Variants in ADCY2 observed in about 807,000 individuals in gnomAD.
The protein encoded by ADCY2 is adenylate cyclase type 2.
In ADCY2, 31 loss-of-function variants were observed where a neutral mutation model predicts 125.2. That is an observed-to-expected ratio of 0.25 (90% confidence interval 0.19 to 0.33). The LOEUF is 0.33. Among genes scored for constraint, ADCY2 ranks in the 10% least tolerant of loss-of-function variants. The probability of loss-of-function intolerance (pLI) is 1.00; values close to 1 mark genes in which losing one functional copy is unlikely to be tolerated. For missense variants in ADCY2, 904 were observed against 1,418.2 expected (o/e 0.64, Z 5.82); for synonymous variants, 512 against 548.4 (o/e 0.93, Z 0.93).
intron 3 of ADCY2, among the ~76,000 whole-genome samples, chr5:7,528,820 T>C (rs1190848808): frequency 1.3e-5 from 2 of 152,204 alleles, no homozygotes; most frequent in Non-Finnish European, 2.9e-5. Context: ...CTCTGCTCAT[T>C]CCAAATGTTT....
chr5:7,718,702 CA>C (rs1741670226), intron 12 of ADCY2, among the ~76,000 whole-genome samples: 1 of 152,088 alleles, frequency 6.6e-6, no homozygotes, highest in South Asian at 2.1e-4. Flanking sequence ...ACAGAGTGTC[CA>C]AGGCCCACTG....
At chr5:7,402,726 T>G (rs1196973132) in intron 1 of ADCY2, among the ~76,000 whole-genome samples, 1 of 152,198 alleles carries the variant, frequency 6.6e-6, no homozygotes, top group African/African-American at 2.4e-5. Context: ...GAAAGTTCAA[T>G]TATAGGGCAA....
intron 4 of ADCY2, among the ~76,000 whole-genome samples, chr5:7,644,751 A>G (rs1006331637): frequency 3.9e-5 from 6 of 152,018 alleles, no homozygotes; most frequent in African/African-American, 1.4e-4. Flanking sequence ...CCCCCATACA[A>G]TTAATTGCTC....
chr5:7,523,681 C>T (rs1471600900), intron 3 of ADCY2, among the ~76,000 whole-genome samples: 1 of 152,084 alleles, frequency 6.6e-6, no homozygotes, highest in East Asian at 1.9e-4. Flanking sequence ...CTAAAAATAC[C>T]ACTGGTTTGA....
At chr5:7,676,802 G>A (rs1431864027) in intron 4 of ADCY2, among the ~76,000 whole-genome samples, 1 of 152,170 alleles carries the variant, frequency 6.6e-6, no homozygotes. Context: ...TTGGCCATAC[G>A]TTTGGACAAG....
rs186822434 is a variant in ADCY2 at position 7,637,650 on chromosome 5, C to T, written c.720+11334C>T. On this transcript the variant is annotated intron_variant, in intron 4 of 24. Transcript: ENST00000338316. Reference sequence around the variant, plus strand: ...GAAAGCATGAAAAGGAATAAAATGTCAACAAGATTTTAGGTAAAATGAAAA... The same window carrying T: ...GAAAGCATGAAAAGGAATAAAATGTTAACAAGATTTTAGGTAAAATGAAAA... Among the ~76,000 whole-genome samples the T allele has an allele frequency of 2.9e-3, 446 of 152,040 alleles. 4 individuals carry two copies. Among genetic ancestry groups the T allele is most frequent in the African/African-American group, 9.8e-3 (405 of 41,472 alleles).
rs1485929944 is a variant in ADCY2, at chr5:7,757,563, T to C, written c.2071T>C (p.Leu691=). The change falls in exon 16 of 25, where the codon TTA becomes CTA. Residue 691 remains leucine (L), a synonymous_variant. Coordinates refer to ENST00000338316, the MANE Select transcript of ADCY2 (RefSeq NM_020546.3). ...SLTIITTAII[L]MMAVFNMFFL... is the part of the protein sequence containing the mutation. ...CACGATCATCACCACAGCCATCATA[T>C]TAATGATGGCCGTGTTCAACATGGT... The C allele has an allele frequency of 6.6e-7, 1 of 1,503,974 alleles. No individual in the cohort carries two copies. The highest frequency in any genetic ancestry group is 8.9e-7 in the Non-Finnish European group (1 of 1,128,666). 93.2% of individuals were successfully genotyped at this position (1,503,974 alleles called of 1,614,324 possible).
intron 17 of ADCY2, among the ~76,000 whole-genome samples, chr5:7,767,082 A>T (rs1199484993): frequency 5.9e-5 from 9 of 152,148 alleles, no homozygotes. Context: ...TTTCTAGCAT[A>T]TTTCCTACCA....
intron 4 of ADCY2, among the ~76,000 whole-genome samples, chr5:7,641,052 T>C (rs1372795694): frequency 2.0e-5 from 3 of 152,232 alleles, no homozygotes; most frequent in Non-Finnish European, 4.4e-5. Flanking sequence ...CCTATCTGTC[T>C]TGCCTGCCAC....
At chr5:7,436,790 C>A (rs984017505) in intron 2 of ADCY2, among the ~76,000 whole-genome samples, 3 of 152,208 alleles carry the variant, frequency 2.0e-5, no homozygotes, top group African/African-American at 7.2e-5. Context: ...CAGGCGTGTG[C>A]AGCCTGTTTG....
At chr5:7,775,831 C>T (rs1022439067) in intron 18 of ADCY2, among the ~76,000 whole-genome samples, 12 of 152,182 alleles carry the variant, frequency 7.9e-5, no homozygotes, top group African/African-American at 1.2e-4. Flanking sequence ...GATCCCTGAA[C>T]GGGCTGCACG....
At chr5:7,501,131 TAAAAAAAAAAAAAAAGGTCTACA>T (rs1743549423) in intron 2 of ADCY2, among the ~76,000 whole-genome samples, 3 of 143,952 alleles carry the variant, frequency 2.1e-5, no homozygotes, top group Non-Finnish European at 3.0e-5. Flanking sequence ...AGCTTTTTTT[TAAAAAAAAAAAAAAAGGTCTACA>T]TTTTCTTCCT....
At chr5:7,482,788 A>ATG (rs997892358) in intron 2 of ADCY2, among the ~76,000 whole-genome samples, 5 of 143,358 alleles carry the variant, frequency 3.5e-5, no homozygotes, top group African/African-American at 1.3e-4. Flanking sequence ...ATATATATAT[A>ATG]TATACACACA....
chr5:7,504,036 C>T (rs373478163), intron 2 of ADCY2, among the ~76,000 whole-genome samples: 1 of 152,078 alleles, frequency 6.6e-6, no homozygotes, highest in Admixed American at 6.6e-5. Flanking sequence ...TTTGGCTGTG[C>T]TCCTGATGTA....
intron 2 of ADCY2, among the ~76,000 whole-genome samples, chr5:7,472,710 C>T (rs1004723584): frequency 3.9e-5 from 6 of 152,110 alleles, no homozygotes; most frequent in Admixed American, 3.9e-4. Context: ...GAGGACTGAT[C>T]AATCTTGCTA....
intron 3 of ADCY2, among the ~76,000 whole-genome samples, chr5:7,610,482 G>T (rs549330801): frequency 3.9e-5 from 6 of 152,334 alleles, no homozygotes; most frequent in African/African-American, 1.4e-4. Flanking sequence ...CTTGCCTAGA[G>T]TAGTTTCGGT....
chr5:7,712,800 G>C, intron 10 of ADCY2, 56 bp from the exon 11 acceptor site: 2 of 1,210,598 alleles, frequency 1.7e-6, no homozygotes, highest in Non-Finnish European at 2.4e-6. Flanking sequence ...AATTATCATT[G>C]CAACATTCTT....
intron 16 of ADCY2, among the ~76,000 whole-genome samples, chr5:7,763,910 G>A (rs1259696801): frequency 6.6e-6 from 1 of 152,148 alleles, no homozygotes; most frequent in Non-Finnish European, 1.5e-5. Flanking sequence ...GCCCTGACCT[G>A]TCCCTGCTGT....
At chr5:7,415,825 G>A (rs1739919542) in intron 2 of ADCY2, among the ~76,000 whole-genome samples, 1 of 152,134 alleles carries the variant, frequency 6.6e-6, no homozygotes, top group African/African-American at 2.4e-5. Context: ...TGTTGTCTAG[G>A]GGACAGGCCT....
Sources: gnomAD v4.1 joint callset for allele counts (sites outside exome capture counted in the v4.1 genomes callset) on GRCh38, gnomAD v4.1.1 for gene constraint, MANE v1.5 for transcripts, NCBI Gene and HGNC (gene_info 2026-07-23, HGNC 2026-07-21) for gene names.